Variants in PCDHA1 observed in about 807,000 individuals in gnomAD.
PCDHA1 encodes the protein protocadherin alpha-1.
A neutral mutation model predicts 61.3 loss-of-function variants in PCDHA1; 42 were observed. The ratio of observed to expected loss-of-function variants is 0.69; its 90% CI spans 0.54 to 0.89. PCDHA1 has a LOEUF of 0.89. PCDHA1 is among the 40% of genes least tolerant of loss of function. The pLI, the probability that PCDHA1 is intolerant of heterozygous loss-of-function variation, is 0.00. For synonymous variants in PCDHA1, 610 were observed against 553.8 expected, an observed-to-expected ratio of 1.10 and a Z score of -1.43; for missense variants, 1,256 against 1,235.3, an observed-to-expected ratio of 1.02 and a Z score of -0.25.
At chr5:140,966,489 C>A in intron 1 of PCDHA1, 2 of 440,146 alleles carry the variant, frequency 4.5e-6, no homozygotes, top group Non-Finnish European at 7.9e-6. Flanking sequence ...TTCCCTCCCC[C>A]TGGAGCTGTA....
chr5:140,988,038 T>C (rs1045669411), intron 3 of PCDHA1, among the ~76,000 whole-genome samples: 1 of 152,212 alleles, frequency 6.6e-6, no homozygotes, highest in African/African-American at 2.4e-5. Flanking sequence ...TTTTAGAATC[T>C]GTTTAGGAGC....
At chr5:140,836,242 T>C in intron 1 of PCDHA1, 1 of 1,613,606 alleles carries the variant, frequency 6.2e-7, no homozygotes, top group South Asian at 1.1e-5. Flanking sequence ...GGTGCGAGCA[T>C]CCCGTTCCGC....
At chr5:140,853,560 A>G in intron 1 of PCDHA1, 1 of 981,448 alleles carries the variant, frequency 1.0e-6, no homozygotes, top group Non-Finnish European at 1.2e-6. Flanking sequence ...ATATAGGAAA[A>G]ACTAAGTTGT....
intron 1 of PCDHA1, among the ~76,000 whole-genome samples, chr5:140,792,490 G>T (rs564119343): frequency 6.6e-6 from 1 of 151,782 alleles, no homozygotes; most frequent in South Asian, 2.1e-4. Context: ...TGCTGAGCAT[G>T]GCTTCTTAAT....
chr5:140,965,307 C>T (rs2095888914), intron 1 of PCDHA1, among the ~76,000 whole-genome samples: 1 of 152,150 alleles, frequency 6.6e-6, no homozygotes, highest in Admixed American at 6.5e-5. Context: ...ATCCTTCTAC[C>T]TTCTCTTTTA....
At chr5:140,873,403 GT>G (rs2054272319) in intron 1 of PCDHA1, among the ~76,000 whole-genome samples, 1 of 152,046 alleles carries the variant, frequency 6.6e-6, no homozygotes, top group South Asian at 2.1e-4. Flanking sequence ...TTCAGTACAG[GT>G]TAAAATTTTG....
At chr5:140,922,661 T>C (rs1255153267) in intron 1 of PCDHA1, among the ~76,000 whole-genome samples, 2 of 152,156 alleles carry the variant, frequency 1.3e-5, no homozygotes, top group African/African-American at 4.8e-5. Context: ...ATGGCTATAC[T>C]GCAAGCAGTA....
chr5:140,958,020 A>G (rs536128192), intron 1 of PCDHA1, among the ~76,000 whole-genome samples: 90 of 152,262 alleles, frequency 5.9e-4, no homozygotes, highest in African/African-American at 2.1e-3. Context: ...TCAGCCAAGT[A>G]TACTATGCTT....
At chr5:140,989,996 A>G (rs1554251207) in intron 3 of PCDHA1, among the ~76,000 whole-genome samples, 1 of 152,144 alleles carries the variant, frequency 6.6e-6, no homozygotes, top group Non-Finnish European at 1.5e-5. Context: ...GAAATTGTCT[A>G]TCTCCAAGGG....
intron 1 of PCDHA1, among the ~76,000 whole-genome samples, chr5:140,917,329 GA>G (rs1467900886): frequency 0.012 from 1,654 of 143,658 alleles, 142 homozygotes; most frequent in African/African-American, 0.032. Context: ...TGTGGCGGGG[GA>G]GGGGGGGGAT....
intron 1 of PCDHA1, chr5:140,821,817 G>A: frequency 6.2e-7 from 1 of 1,613,974 alleles, no homozygotes; most frequent in African/African-American, 1.3e-5. Context: ...CCCGGCTCCT[G>A]CTGCTCTGGC....
intron 1 of PCDHA1, chr5:140,795,480 C>T (rs1554119453): frequency 6.2e-7 from 1 of 1,614,162 alleles, no homozygotes. Context: ...CCTACAAGCT[C>T]AGCTCCAGTG....
chr5:140,851,237 G>A (rs782702575), intron 1 of PCDHA1: 5 of 1,101,536 alleles, frequency 4.5e-6, no homozygotes, highest in African/African-American at 1.6e-5. Context: ...TTTATTTATT[G>A]CTAAATGATG....
chr5:140,872,231 T>A (rs1050025307), intron 1 of PCDHA1, among the ~76,000 whole-genome samples: 2 of 152,228 alleles, frequency 1.3e-5, no homozygotes, highest in Non-Finnish European at 2.9e-5. Context: ...TCTTTACTTT[T>A]GTCTTTATTC....
chr5:140,796,243 G>C (rs1422523860), intron 1 of PCDHA1: 1 of 1,614,160 alleles, frequency 6.2e-7, no homozygotes, highest in Non-Finnish European at 8.5e-7. Context: ...GGTGGTGACC[G>C]CACGGGACGG....
At position 140,993,185 on chromosome 5, in the gene PCDHA1, G is replaced by A. The variant is rs1393686590; in HGVS notation, c.2542+10622G>A. Among the ~76,000 whole-genome samples, 5 of 152,162 alleles carry A rather than the reference G, an allele frequency of 3.3e-5. No homozygotes were observed. The South Asian group carries it at 8.3e-4, about 25-fold the overall frequency. The stretch of plus-strand genomic sequence containing the variant: ...TTGCCTTTGGGAAATTTCTTTAGAG[G>A]GAAACTCACTAAAGCTAATTTTTTT... On this transcript the variant is annotated intron_variant, in intron 3 of 3. Transcript: ENST00000504120.
At position 140,787,973 on chromosome 5, in the gene PCDHA1, C is replaced by G; in HGVS notation, c.1683C>G (p.Asn561Lys). ...TGTTCGTGCTGGACGAGAACGACAA[C>G]GCGCCGGCGCTGCTGGCGCCTCGAG... ...LQVFVLDEND[N>K]APALLAPRVG... Residue 561 changes from asparagine (N) to lysine (K), a missense_variant, in exon 1 of 4, where the codon AAC becomes AAG. Transcript: ENST00000504120. 4 of 1,613,982 alleles carry G rather than the reference C, an allele frequency of 2.5e-6. No homozygotes were observed. Among genetic ancestry groups the G allele is most frequent in the Non-Finnish European group, 2.5e-6 (3 of 1,179,898 alleles).
chr5:140,897,281 C>T lies in PCDHA1; in HGVS notation c.2395-81668C>T, dbSNP rs1583262674. On this transcript the variant is annotated intron_variant, in intron 1 of 3. Coordinates refer to ENST00000504120, the MANE Select transcript of PCDHA1 (RefSeq NM_018900.4). ...ATGTGCCATGCTGGTGTGCTGCACC[C>T]ATTAACTCGTCATTTAGCATTAGGT... Among the ~76,000 whole-genome samples, 6 of 151,664 alleles carry T rather than the reference C, an allele frequency of 4.0e-5. No homozygotes were observed. In the South Asian group the frequency reaches 1.2e-3, roughly 32 times the overall value.
intron 1 of PCDHA1, among the ~76,000 whole-genome samples, chr5:140,896,522 G>A (rs1228394123): frequency 6.7e-6 from 1 of 149,268 alleles, no homozygotes; most frequent in Non-Finnish European, 1.5e-5. Context: ...ACACCACAAA[G>A]CCCAGCTATT....
Sources: gnomAD v4.1 joint callset for allele counts (sites outside exome capture counted in the v4.1 genomes callset) on GRCh38, gnomAD v4.1.1 for gene constraint, MANE v1.5 for transcripts, NCBI Gene and HGNC (gene_info 2026-07-23, HGNC 2026-07-21) for gene names.